Variants in TRAPPC9 observed in about 807,000 individuals in gnomAD.
The protein encoded by TRAPPC9 is trafficking protein particle complex subunit 9, also known as IKK2 binding protein.
TRAPPC9 carries 83 observed loss-of-function variants against 124.0 expected under a neutral mutation model. The ratio of observed to expected loss-of-function variants is 0.67; its 90% CI spans 0.56 to 0.80. The LOEUF is 0.80. TRAPPC9 is among the 30% of genes least tolerant of loss of function. The pLI is 0.00. For missense variants in TRAPPC9, 1,302 were observed against 1,508.3 expected, an observed-to-expected ratio of 0.86 and a Z score of 2.27; for synonymous variants, 638 against 617.5, an observed-to-expected ratio of 1.03 and a Z score of -0.49.
At chr8:139,735,316 A>T (rs1213990531) in intron 21 of TRAPPC9, among the ~76,000 whole-genome samples, 1 of 152,150 alleles carries the variant, frequency 6.6e-6, no homozygotes, top group Non-Finnish European at 1.5e-5. Context: ...ACGTCCCAGT[A>T]CCCATGAGCA....
chr8:139,870,920 C>A (rs1207471322), intron 21 of TRAPPC9, among the ~76,000 whole-genome samples: 2 of 152,216 alleles, frequency 1.3e-5, no homozygotes, highest in African/African-American at 4.8e-5. Flanking sequence ...AGGCTTTCCA[C>A]TGATATTCTG....
chr8:140,272,136 T>TGATGGTGGC (rs1563903652), intron 15 of TRAPPC9, among the ~76,000 whole-genome samples: 17 of 149,942 alleles, frequency 1.1e-4, no homozygotes, highest in African/African-American at 2.9e-4. Context: ...GTGGCGATGG[T>TGATGGTGGC]GATGGTGATG....
chr8:139,926,201 G>C (rs1375735936), intron 19 of TRAPPC9, among the ~76,000 whole-genome samples: 1 of 152,232 alleles, frequency 6.6e-6, no homozygotes, highest in Non-Finnish European at 1.5e-5. Flanking sequence ...GGGGAGGTGA[G>C]CTTGAGGAGC....
rs562033031 is a variant in TRAPPC9, at chr8:139,896,812, A to AGGGAAGCCCAGC, written c.2965-10855_2965-10844dup. ...CCTGGCCAGTGTTTTTCCAGCCCAG[A>AGGGAAGCCCAGC]GGGAAGCCCAGCACAGAGCTCTCCA... is the stretch of plus-strand genomic sequence containing the variant. On this transcript the variant is annotated intron_variant, in intron 20 of 22. Transcript: ENST00000438773. Among the ~76,000 whole-genome samples, 89 of 152,320 alleles carry AGGGAAGCCCAGC rather than the reference A, an allele frequency of 5.8e-4. 2 individuals are homozygous for AGGGAAGCCCAGC. The East Asian group carries it at 0.017, about 29-fold the overall frequency.
intron 21 of TRAPPC9, among the ~76,000 whole-genome samples, chr8:139,810,743 G>C (rs1824383765): frequency 6.6e-6 from 1 of 152,148 alleles, no homozygotes; most frequent in Non-Finnish European, 1.5e-5. Context: ...CTCCTTCTTG[G>C]ATGTGGCTCC....
intron 21 of TRAPPC9, among the ~76,000 whole-genome samples, chr8:139,790,254 C>T (rs533938610): frequency 1.3e-5 from 2 of 152,354 alleles, no homozygotes; most frequent in South Asian, 4.1e-4. Context: ...TGAACAGGAA[C>T]TCAAGTGCTC....
intron 19 of TRAPPC9, chr8:139,931,504 T>C (rs1242907848): frequency 2.0e-5 from 3 of 152,190 alleles, no homozygotes; most frequent in Non-Finnish European, 2.9e-5. Context: ...CAGTTGACCT[T>C]GAAGACCACC....
rs532687309 is a variant in TRAPPC9, at chr8:140,400,732, T to C, written c.1009-2987A>G. On this transcript the variant is annotated intron_variant, in intron 6 of 22. Coordinates refer to ENST00000438773, the MANE Select transcript of TRAPPC9 (RefSeq NM_001160372.4). ...CAGGAGAGCCATCCCCACCCCCTCT[T>C]ACACACCATGTGGCTCCAGACCCGG... Among the ~76,000 whole-genome samples the C allele has an allele frequency of 2.0e-5, 3 of 152,162 alleles. No homozygotes were observed. The South Asian group carries it at 6.2e-4, about 32-fold the overall frequency.
chr8:140,167,385 C>T (rs1471784350), intron 17 of TRAPPC9, among the ~76,000 whole-genome samples: 2 of 152,136 alleles, frequency 1.3e-5, no homozygotes, highest in Admixed American at 6.5e-5. Flanking sequence ...AACACCTCTG[C>T]ACACACACCA....
chr8:139,809,575 G>C (rs1244215752), intron 21 of TRAPPC9, among the ~76,000 whole-genome samples: 1 of 152,148 alleles, frequency 6.6e-6, no homozygotes, highest in East Asian at 1.9e-4. Context: ...TGTGGCCTCA[G>C]GATGCAAGTC....
chr8:140,398,915 T>C (rs908733227), intron 6 of TRAPPC9, among the ~76,000 whole-genome samples: 4 of 152,160 alleles, frequency 2.6e-5, no homozygotes, highest in Non-Finnish European at 5.9e-5. Flanking sequence ...GAGGAAAAAG[T>C]GGTTTCGTGG....
At chr8:140,050,890 G>A (rs1841954038) in intron 17 of TRAPPC9, among the ~76,000 whole-genome samples, 2 of 152,190 alleles carry the variant, frequency 1.3e-5, no homozygotes, top group South Asian at 2.1e-4. Flanking sequence ...CCTGCACGTG[G>A]CCTTCTTTCT....
intron 9 of TRAPPC9, among the ~76,000 whole-genome samples, chr8:140,313,551 G>A (rs867917761): frequency 1.2e-4 from 18 of 152,140 alleles, no homozygotes; most frequent in South Asian, 6.2e-4. Context: ...ACTATGCTGT[G>A]GAGGAATGTC....
Position 140,426,640 on chromosome 8 carries a change from C to A in TRAPPC9, c.861G>T (p.Gly287=). The A allele has an allele frequency of 5.0e-6, 8 of 1,613,724 alleles. No homozygotes were observed. Among genetic ancestry groups the A allele is most frequent in the Non-Finnish European group, 6.8e-6 (8 of 1,179,818 alleles). The stretch of plus-strand genomic sequence containing the variant: ...CTGGATCAATGAGAACTTCCTGTGC[C>A]CCTGGAAGAAAGAACAGATTATGGT... ...PAEAANRHRP[G]AQEVLIDPGA... is the part of the protein sequence containing the mutation. Residue 287 remains glycine (G), a splice_region_variant and synonymous_variant, in exon 5 of 23, where the codon GGG becomes GGT. Coordinates refer to ENST00000438773, the MANE Select transcript of TRAPPC9 (RefSeq NM_001160372.4).
chr8:139,864,098 C>G (rs559905380), intron 21 of TRAPPC9, among the ~76,000 whole-genome samples: 4 of 152,266 alleles, frequency 2.6e-5, no homozygotes, highest in South Asian at 2.1e-4. Context: ...TCTCCTGCAG[C>G]CCGAGGCTAG....
chr8:140,077,169 AG>A (rs1363994124), intron 17 of TRAPPC9, among the ~76,000 whole-genome samples: 1 of 152,184 alleles, frequency 6.6e-6, no homozygotes, highest in Non-Finnish European at 1.5e-5. Flanking sequence ...CTATCTCAAA[AG>A]AAAAAAAAAG....
At chr8:140,311,218 G>T (rs1462693877) in intron 10 of TRAPPC9, 30 bp downstream of exon 10, 1 of 1,606,368 alleles carries the variant, frequency 6.2e-7, no homozygotes, top group East Asian at 2.2e-5. Context: ...GAGGGCAGCT[G>T]CCTTTCCGGC....
intron 17 of TRAPPC9, among the ~76,000 whole-genome samples, chr8:140,111,576 G>T (rs890879832): frequency 6.6e-6 from 1 of 152,176 alleles, no homozygotes; most frequent in Non-Finnish European, 1.5e-5. Context: ...AGAGCAAGAC[G>T]CCCAGAGCAG....
chr8:139,772,475 G>A (rs1370604289), intron 21 of TRAPPC9, among the ~76,000 whole-genome samples: 4 of 152,130 alleles, frequency 2.6e-5, no homozygotes, highest in African/African-American at 7.2e-5. Flanking sequence ...CCCAGCCCAC[G>A]CTCCTGGGAT....
Sources: allele counts gnomAD v4.1 joint callset (sites outside exome capture counted in the v4.1 genomes callset), GRCh38; gene constraint gnomAD v4.1.1; transcripts MANE v1.5; gene names NCBI Gene and HGNC (gene_info 2026-07-23, HGNC 2026-07-21).